Variants in CACNA1A observed in about 807,000 individuals in gnomAD.
CACNA1A encodes the protein calcium voltage-gated channel subunit alpha1 A.
A neutral mutation model predicts 262.4 loss-of-function variants in CACNA1A; 57 were observed. The ratio of observed to expected loss-of-function variants is 0.22; its 90% CI spans 0.18 to 0.27. The LOEUF (loss-of-function observed/expected upper bound fraction) is 0.27. Ranked by LOEUF, CACNA1A falls within the 10% of genes least tolerant of loss-of-function variation. CACNA1A has a pLI of 1.00. For missense variants in CACNA1A, 2,526 were observed against 3,562.8 expected, an observed-to-expected ratio of 0.71 and a Z score of 7.41; for synonymous variants, 1,431 against 1,419.3, an observed-to-expected ratio of 1.01 and a Z score of -0.18.
At chr19:13,329,006 TCAATCTTATTC>T (rs1349120748) in intron 10 of CACNA1A, among the ~76,000 whole-genome samples, 2 of 151,962 alleles carry the variant, frequency 1.3e-5, no homozygotes, top group Non-Finnish European at 2.9e-5. Context: ...CCTTCTCCCC[TCAATCTTATTC>T]CAGTCTTATT....
intron 3 of CACNA1A, among the ~76,000 whole-genome samples, chr19:13,409,127 T>C (rs1255963810): frequency 6.6e-6 from 1 of 152,154 alleles, no homozygotes; most frequent in Admixed American, 6.5e-5. Context: ...ACTGTTGCCA[T>C]AGAGACAGGT....
At chr19:13,400,879 A>C (rs1038903289) in intron 3 of CACNA1A, among the ~76,000 whole-genome samples, 3 of 152,038 alleles carry the variant, frequency 2.0e-5, no homozygotes, top group African/African-American at 4.8e-5. Flanking sequence ...AGTTGGAGTA[A>C]AGTGGCGTGA....
rs1041026191 is a variant in CACNA1A at position 13,236,261 on chromosome 19, G to A, written c.4951-531C>T. On this transcript the variant is annotated intron_variant, in intron 31 of 46. Transcript: ENST00000360228. The surrounding 1 kb of genome is among the most constrained non-coding windows in gnomAD (Gnocchi z 4.6). ...CAGCACAGTCAGGCCTGGTGGACAT[G>A]TGCGGGTTCCGAGGGCATGTTACGC... Among the ~76,000 whole-genome samples the A allele has an allele frequency of 6.6e-6, 1 of 152,090 alleles. No individual in the cohort carries two copies. The highest frequency in any genetic ancestry group is 6.5e-5 in the Admixed American group (1 of 15,284).
chr19:13,287,120 G>C (rs1326700851), intron 19 of CACNA1A, among the ~76,000 whole-genome samples, 154 bp from the exon 20 acceptor site: 1 of 152,198 alleles, frequency 6.6e-6, no homozygotes, highest in Non-Finnish European at 1.5e-5. Context: ...GGGAAGCGGA[G>C]GCAGGAGGAT....
intron 3 of CACNA1A, chr19:13,451,015 G>T (rs984275605): frequency 6.6e-5 from 10 of 152,150 alleles, no homozygotes; most frequent in Non-Finnish European, 1.5e-5. Context: ...TTCTAGATGA[G>T]TTTCCTAGTA....
Position 13,209,501 on chromosome 19 carries a change from G to A in CACNA1A, c.6340-3C>T. 1 of 1,307,402 alleles carries A rather than the reference G, an allele frequency of 7.6e-7. No homozygotes were observed. The allele number at this position is 1,307,402 out of a possible 1,614,324, so 81.0% of individuals were successfully genotyped here. On this transcript the variant is annotated splice_region_variant and splice_polypyrimidine_tract_variant and intron_variant, in intron 44 of 46. Transcript: ENST00000360228. ...ATGGGGCTGGTGTCTGAGATGGTCT[G>A]GGGGAGGGGACAGGCCGGTGGGCTG...
intron 6 of CACNA1A, among the ~76,000 whole-genome samples, chr19:13,355,171 C>T (rs547062760): frequency 4.7e-5 from 7 of 150,262 alleles, no homozygotes; most frequent in Non-Finnish European, 9.0e-5. Flanking sequence ...CCACTGTGCC[C>T]GGGCTGGGAG....
chr19:13,310,469 A>T (rs2058000166), intron 12 of CACNA1A, among the ~76,000 whole-genome samples: 1 of 39,504 alleles, frequency 2.5e-5, no homozygotes, highest in African/African-American at 1.5e-4. Context: ...AAAAAAAAAA[A>T]AAAAAAAAAA....
At chr19:13,259,873 A>G in intron 26 of CACNA1A, 172 bp from the exon 27 acceptor site, 1 of 641,238 alleles carries the variant, frequency 1.6e-6, no homozygotes, top group Non-Finnish European at 2.7e-6. Context: ...TTCATAGGGG[A>G]TGACGTGTGC....
intron 3 of CACNA1A, among the ~76,000 whole-genome samples, chr19:13,449,625 C>G (rs922108872): frequency 3.9e-5 from 6 of 152,120 alleles, no homozygotes; most frequent in Admixed American, 1.3e-4. Context: ...TATTTCTTAT[C>G]TATGCATGTA....
chr19:13,502,062 A>C (rs1293382052), intron 1 of CACNA1A, among the ~76,000 whole-genome samples: 1 of 151,946 alleles, frequency 6.6e-6, no homozygotes, highest in Non-Finnish European at 1.5e-5. Flanking sequence ...CTTCTAGAAC[A>C]TTCTATCTCT....
chr19:13,390,030 G>A (rs1181973252), intron 3 of CACNA1A, among the ~76,000 whole-genome samples: 1 of 151,398 alleles, frequency 6.6e-6, no homozygotes, highest in African/African-American at 2.4e-5. Context: ...AGCCAGGGTG[G>A]TCTCGATCTC....
chr19:13,212,076 C>G lies in CACNA1A; in HGVS notation c.6303+27G>C. ...ACCCAGTGCAGAGTGAGGGGTCCAG[C>G]CCCAGGGCAGTGGTGAAAGCCCTCA... is the stretch of plus-strand genomic sequence containing the variant. On this transcript the variant is annotated intron_variant, in intron 43 of 46. Coordinates refer to ENST00000360228, the MANE Select transcript of CACNA1A (RefSeq NM_001127222.2). The surrounding 1 kb of genome is among the most constrained non-coding windows in gnomAD (Gnocchi z 5.6). 6.5e-7 allele frequency: 1 copy of G among 1,529,658 alleles called. No homozygotes were observed. The allele number at this position is 1,529,658 out of a possible 1,614,324, so 94.8% of individuals were successfully genotyped here.
At chr19:13,413,037 G>A (rs1227112992) in intron 3 of CACNA1A, among the ~76,000 whole-genome samples, 1 of 151,940 alleles carries the variant, frequency 6.6e-6, no homozygotes, top group Non-Finnish European at 1.5e-5. Flanking sequence ...GACTGCTTGA[G>A]CCTAGAAGCT....
chr19:13,371,559 C>T (rs915871684), intron 4 of CACNA1A, 129 bp downstream of exon 4: 1 of 685,160 alleles, frequency 1.5e-6, no homozygotes, highest in African/African-American at 1.8e-5. Flanking sequence ...ATAGGGAGTC[C>T]CAAAGAAGAG....
intron 1 of CACNA1A, among the ~76,000 whole-genome samples, chr19:13,497,157 C>T (rs1422256): frequency 0.72 from 108,823 of 151,648 alleles, 40,017 homozygotes; most frequent in African/African-American, 0.87. Context: ...AAGAGCTAAC[C>T]GGTTGACCCA....
Position 13,209,471 on chromosome 19 carries a change from G to A in CACNA1A, c.6367C>T (p.Arg2123Cys), listed in dbSNP as rs1255940553. ...STISDTSPMK[R>C]SASVLGPKAR... Reference sequence around the variant, plus strand: ...TTGGGGCCCAGCACGGAGGCTGAACGCTTCATGGGGCTGGTGTCTGAGATG... The same window carrying A: ...TTGGGGCCCAGCACGGAGGCTGAACACTTCATGGGGCTGGTGTCTGAGATG... The change falls in exon 45 of 47, where the codon CGT (arginine) becomes TGT (cysteine). Residue 2123 changes from arginine (R) to cysteine (C), a missense_variant. By Grantham distance (180) the Arg-to-Cys change is radical. Coordinates refer to ENST00000360228, the MANE Select transcript of CACNA1A (RefSeq NM_001127222.2). 2 of 1,346,122 alleles carry A rather than the reference G, an allele frequency of 1.5e-6. No individual in the cohort carries two copies. The highest frequency in any genetic ancestry group is 1.9e-6 in the Non-Finnish European group (2 of 1,042,904). The allele number at this position is 1,346,122 out of a possible 1,614,324, so 83.4% of individuals were successfully genotyped here.
intron 1 of CACNA1A, among the ~76,000 whole-genome samples, chr19:13,501,159 T>C (rs370031252): frequency 6.6e-6 from 1 of 151,188 alleles, no homozygotes; most frequent in Non-Finnish European, 1.5e-5. Flanking sequence ...GTCAAAAGGG[T>C]GAATTTTGCT....
At chr19:13,459,015 C>T (rs2061067144) in intron 1 of CACNA1A, among the ~76,000 whole-genome samples, 1 of 152,152 alleles carries the variant, frequency 6.6e-6, no homozygotes, top group South Asian at 2.1e-4. Flanking sequence ...TCAACAGTAT[C>T]CCTGGCCTGT....
Sources: allele counts gnomAD v4.1 joint callset (sites outside exome capture counted in the v4.1 genomes callset), GRCh38; gene constraint gnomAD v4.1.1; non-coding constraint Gnocchi (gnomAD v3.1); transcripts MANE v1.5; gene names NCBI Gene and HGNC (gene_info 2026-07-23, HGNC 2026-07-21).